UBR4: variants seen among roughly 807,000 people sequenced by gnomAD.
UBR4 encodes E3 ubiquitin-protein ligase UBR4.
UBR4 carries 124 observed loss-of-function variants against 575.6 expected under a neutral mutation model. The ratio of observed to expected loss-of-function variants is 0.22; its 90% CI spans 0.19 to 0.25. The LOEUF is 0.25. Ranked by LOEUF, UBR4 falls within the 10% of genes least tolerant of loss-of-function variation. The pLI, the probability that UBR4 is intolerant of heterozygous loss-of-function variation, is 1.00. For missense variants in UBR4, 4,818 were observed against 6,478.8 expected (o/e 0.74, Z 8.80); for synonymous variants, 2,455 against 2,473.7 (o/e 0.99, Z 0.22).
chr1:19,194,509 T>G (rs148567385), intron 8 of UBR4, among the ~76,000 whole-genome samples: 67 of 152,122 alleles, frequency 4.4e-4, no homozygotes, highest in African/African-American at 1.5e-3. Flanking sequence ...GTAATAAAAA[T>G]AAATAATTAA....
rs757829799 is a variant in UBR4 at position 19,160,954 on chromosome 1, C to T, written c.5369G>A (p.Arg1790His). 11 of 1,614,158 alleles carry T rather than the reference C, an allele frequency of 6.8e-6. No individual in the cohort carries two copies. The highest frequency in any genetic ancestry group is 2.2e-5 in the East Asian group (1 of 44,880). Residue 1790 changes from arginine to histidine, a missense_variant, in exon 38 of 106, where the codon CGC becomes CAC. Transcript: ENST00000375254. ...EEKPKKSSLC[R>H]TVEGCREELQ... Reference sequence around the variant, plus strand: ...TTCCTCCCGGCAGCCCTCTACTGTGCGGCAGAGGCTGCTCTTCTTGGGCTT... The same window carrying T: ...TTCCTCCCGGCAGCCCTCTACTGTGTGGCAGAGGCTGCTCTTCTTGGGCTT...
At chr1:19,177,802 TA>T in intron 18 of UBR4, 59 bp from the exon 19 acceptor site, 3 of 1,560,250 alleles carry the variant, frequency 1.9e-6, no homozygotes, top group Non-Finnish European at 2.6e-6. Flanking sequence ...CCAGGAGTTA[TA>T]ATGTCAAGCA....
chr1:19,168,873 G>T (rs1356011656), intron 27 of UBR4, among the ~76,000 whole-genome samples: 3 of 152,052 alleles, frequency 2.0e-5, no homozygotes, highest in Non-Finnish European at 2.9e-5. Context: ...AGCTACTCGG[G>T]AGGCTGAGGC....
chr1:19,081,422 T>C lies in UBR4; in HGVS notation c.15160A>G (p.Thr5054Ala), dbSNP rs752586269. 1.2e-6 allele frequency: 2 copies of C among 1,614,010 alleles called. No homozygotes were observed. The highest frequency in any genetic ancestry group is 1.7e-6 in the Non-Finnish European group (2 of 1,179,994). Residue 5054 changes from threonine (T) to alanine (A), a missense_variant, in exon 103 of 106, where the codon ACA becomes GCA. Around this residue, in one of 29 missense-constraint regions of UBR4, gnomAD observed 212 missense variants for 221.3 expected, o/e 0.96. Transcript: ENST00000375254. Reference sequence around the variant, plus strand: ...AGCCTCCGCAAGATTTCCACACGTGTGGCTCTCCACTGCTCAGGGGGCAGG... The same window carrying C: ...AGCCTCCGCAAGATTTCCACACGTGCGGCTCTCCACTGCTCAGGGGGCAGG... Reference protein sequence around the residue: ...HILPPEQWRATRVEILRRLLV... With the variant: ...HILPPEQWRAARVEILRRLLV...
At chr1:19,155,170 T>C (rs2086276343) in intron 43 of UBR4, 95 bp from the exon 44 acceptor site, 11 of 1,526,126 alleles carry the variant, frequency 7.2e-6, no homozygotes, top group Non-Finnish European at 9.9e-6. Context: ...CATGATCAGG[T>C]GCTCTCATAC....
At chr1:19,200,958 A>T (rs1301339115) in intron 2 of UBR4, among the ~76,000 whole-genome samples, 1 of 152,200 alleles carries the variant, frequency 6.6e-6, no homozygotes, top group East Asian at 1.9e-4. Flanking sequence ...AGCCTGGGCA[A>T]CATAGAGAGA....
intron 87 of UBR4, among the ~76,000 whole-genome samples, chr1:19,103,307 G>C (rs967702105): frequency 3.3e-5 from 5 of 152,196 alleles, no homozygotes; most frequent in African/African-American, 9.7e-5. Flanking sequence ...CCTCACACCT[G>C]TAATCCCAGC....
At chr1:19,151,010 T>C (rs1214293688) in intron 48 of UBR4, 7 of 587,172 alleles carry the variant, frequency 1.2e-5, no homozygotes. Flanking sequence ...TTACGTCTCC[T>C]ACTCAGAAGA....
intron 105 of UBR4, 196 bp from the exon 106 acceptor site, chr1:19,075,092 G>C (rs2075790983): frequency 4.8e-6 from 3 of 620,312 alleles, no homozygotes; most frequent in Middle Eastern, 5.6e-4. Flanking sequence ...TCCTGTTCCA[G>C]AAGCAGGCAC....
In UBR4 at chr1:19,104,546, T is replaced by C. The variant is rs74535919; in HGVS notation, c.12727+39A>G. On this transcript the variant is annotated intron_variant, in intron 86 of 105. Coordinates refer to ENST00000375254, the MANE Select transcript of UBR4 (RefSeq NM_020765.3). ...GAACTAAGGGTTGTCCCTAAACAGA[T>C]TCAGGATGCCCTAAAGGAAGGTCCA... is the stretch of plus-strand genomic sequence containing the variant. 13,670 of 1,608,118 alleles carry C rather than the reference T, an allele frequency of 8.5e-3. 393 individuals carry two copies. Among genetic ancestry groups the C allele is most frequent in the East Asian group, 0.078 (3,513 of 44,792 alleles).
chr1:19,149,679 A>G (rs1422385664), intron 49 of UBR4: 7 of 1,181,210 alleles, frequency 5.9e-6, no homozygotes, highest in Non-Finnish European at 5.6e-6. Flanking sequence ...ACAGAAGCAG[A>G]ATCAATGCAA....
At chr1:19,097,349 G>C in intron 90 of UBR4, 69 bp from the exon 91 acceptor site, 1 of 1,415,478 alleles carries the variant, frequency 7.1e-7, no homozygotes, top group African/African-American at 1.4e-5. Flanking sequence ...CTCCATACTT[G>C]GTCTTGCTTA....
rs767995368 is a variant in UBR4, at chr1:19,139,239, C to A, written c.8594-19G>T. ...GCTGGAGCTGAGAGAGTAACGAGAG[C>A]TGTTACAGGTTAAAAAACAAACAAA... On this transcript the variant is annotated intron_variant, in intron 58 of 105. Transcript: ENST00000375254. The surrounding 1 kb of genome is among the most constrained non-coding windows in gnomAD (Gnocchi z 4.2). 2.5e-6 allele frequency: 4 copies of A among 1,581,654 alleles called. No individual in the cohort carries two copies. The highest frequency in any genetic ancestry group is 3.4e-4 in the Middle Eastern group (2 of 5,938).
chr1:19,120,648 C>T (rs942162705), intron 68 of UBR4, among the ~76,000 whole-genome samples: 3 of 152,186 alleles, frequency 2.0e-5, no homozygotes, highest in Non-Finnish European at 4.4e-5. Context: ...TGGCACTGAA[C>T]AAATACAGTG....
chr1:19,182,734 C>T (rs2091121692), intron 17 of UBR4, among the ~76,000 whole-genome samples: 1 of 151,986 alleles, frequency 6.6e-6, no homozygotes, highest in Non-Finnish European at 1.5e-5. Flanking sequence ...GTAGTCCAAA[C>T]AAGAACTATA....
At chr1:19,125,514 G>GGAATTC (rs998705674) in intron 64 of UBR4, 1 of 152,250 alleles carries the variant, frequency 6.6e-6, no homozygotes, top group African/African-American at 2.4e-5. Flanking sequence ...AGATGGGCTA[G>GGAATTC]GAATTCGCTA....
chr1:19,105,618 G>T, intron 84 of UBR4, 115 bp downstream of exon 84: 1 of 772,764 alleles, frequency 1.3e-6, no homozygotes, highest in Non-Finnish European at 2.0e-6. Context: ...TTGTTTCTGG[G>T]GTCTTCTACC....
intron 11 of UBR4, among the ~76,000 whole-genome samples, chr1:19,190,312 A>AAAAAAAAAAAAAAAATATAT: frequency 3.8e-5 from 3 of 79,912 alleles, no homozygotes; most frequent in Admixed American, 1.8e-4. Context: ...AAAAAAAAAA[A>AAAAAAAAAAAAAAAATATAT]ATATATATAT....
chr1:19,210,135 G>C lies in UBR4; in HGVS notation c.114C>G (p.Ser38=). ...GWEVAVRPLL[S]ASYSAFEMKE... Reference sequence around the variant, plus strand: ...TCATCTCGAAGGCGGAGTAGGACGCGGACAGCAGGGGCCGCACAGCCACCT... The same window carrying C: ...TCATCTCGAAGGCGGAGTAGGACGCCGACAGCAGGGGCCGCACAGCCACCT... Residue 38 remains serine (S), a synonymous_variant, in exon 1 of 106, where the codon TCC becomes TCG. Transcript: ENST00000375254. 2 of 1,584,890 alleles carry C rather than the reference G, an allele frequency of 1.3e-6. No homozygotes were observed. The highest frequency in any genetic ancestry group is 1.7e-6 in the Non-Finnish European group (2 of 1,168,526).
Sources: allele counts gnomAD v4.1 joint callset (sites outside exome capture counted in the v4.1 genomes callset), GRCh38; gene constraint gnomAD v4.1.1; regional missense constraint gnomAD v4.1.1; non-coding constraint Gnocchi (gnomAD v3.1); transcripts MANE v1.5; gene names NCBI Gene and HGNC (gene_info 2026-07-23, HGNC 2026-07-21).